Variants in TMEM200A observed in about 807,000 individuals in gnomAD.
The protein encoded by TMEM200A is two transmembrane C.
TMEM200A carries 12 observed loss-of-function variants against 24.3 expected under a neutral mutation model. The ratio of observed to expected loss-of-function variants is 0.49; its 90% CI spans 0.32 to 0.80. The LOEUF is 0.80. TMEM200A is among the 30% of genes least tolerant of loss of function. TMEM200A has a pLI of 0.04. For synonymous variants in TMEM200A, 224 were observed against 224.4 expected (o/e 1.00, Z 0.02); for missense variants, 545 against 614.4 (o/e 0.89, Z 1.19).
rs1050100396 is a variant in TMEM200A, at chr6:130,366,027, G to T, written c.-578G>T. ...TTGGGGCTGGGATCCATCTGGAGCC[G>T]AGCAGAAAACTTTTCCCCTCCCGTT... On this transcript the variant is annotated 5_prime_UTR_variant, in exon 1 of 3. Coordinates refer to ENST00000296978, the MANE Select transcript of TMEM200A (RefSeq NM_001258277.2). This position sits in a 1 kb window ranked among gnomAD's most constrained non-coding sequence, Gnocchi z 4.4. 4 of 985,564 alleles carry T rather than the reference G, an allele frequency of 4.1e-6. No individual in the cohort carries two copies. Among genetic ancestry groups the T allele is most frequent in the Admixed American group, 6.1e-5 (1 of 16,294 alleles). 61.1% of individuals were successfully genotyped at this position (985,564 alleles called of 1,614,324 possible).
intron 2 of TMEM200A, among the ~76,000 whole-genome samples, chr6:130,421,532 G>A (rs577654608): frequency 6.6e-6 from 1 of 152,084 alleles, no homozygotes; most frequent in South Asian, 2.1e-4. Context: ...GTGTGTGTGT[G>A]TGTGCATGCG....
At chr6:130,389,442 G>C (rs1778786194) in intron 2 of TMEM200A, among the ~76,000 whole-genome samples, 1 of 151,026 alleles carries the variant, frequency 6.6e-6, no homozygotes, top group African/African-American at 2.5e-5. Flanking sequence ...AACAATGTGA[G>C]AGAAAGAAGA....
chr6:130,403,361 C>T (rs1415619175), intron 2 of TMEM200A, among the ~76,000 whole-genome samples: 1 of 152,066 alleles, frequency 6.6e-6, no homozygotes, highest in Non-Finnish European at 1.5e-5. Context: ...ATTTTAGATA[C>T]TGTAATAATG....
At chr6:130,371,275 C>G (rs1226124303) in intron 1 of TMEM200A, among the ~76,000 whole-genome samples, 2 of 152,094 alleles carry the variant, frequency 1.3e-5, no homozygotes, top group Non-Finnish European at 2.9e-5. Flanking sequence ...ATAGAACTGA[C>G]ATTTACCAAG....
chr6:130,416,695 A>C (rs1779464315), intron 2 of TMEM200A, among the ~76,000 whole-genome samples: 1 of 151,984 alleles, frequency 6.6e-6, no homozygotes, highest in Non-Finnish European at 1.5e-5. Flanking sequence ...TCCTACATCT[A>C]TTTTTTGCCC....
At chr6:130,374,051 A>G (rs1421998549) in intron 1 of TMEM200A, among the ~76,000 whole-genome samples, 1 of 152,230 alleles carries the variant, frequency 6.6e-6, no homozygotes, top group Non-Finnish European at 1.5e-5. Flanking sequence ...ACATGCAGAT[A>G]GGGGCCCATG....
At chr6:130,423,078 T>A (rs1779641346) in intron 2 of TMEM200A, among the ~76,000 whole-genome samples, 1 of 152,236 alleles carries the variant, frequency 6.6e-6, no homozygotes, top group Non-Finnish European at 1.5e-5. Flanking sequence ...AGGCTGTATT[T>A]TAAGTGGCCT....
At chr6:130,433,916 T>G (rs1779939562) in intron 2 of TMEM200A, among the ~76,000 whole-genome samples, 1 of 152,210 alleles carries the variant, frequency 6.6e-6, no homozygotes. Flanking sequence ...CATACCCTCA[T>G]TTATGTGCCA....
intron 2 of TMEM200A, among the ~76,000 whole-genome samples, chr6:130,408,991 A>G (rs937199943): frequency 9.2e-5 from 14 of 152,116 alleles, no homozygotes; most frequent in Non-Finnish European, 5.9e-5. Flanking sequence ...ATGGTGAGAT[A>G]TGAACGCCAG....
At chr6:130,410,265 C>T (rs1468657684) in intron 2 of TMEM200A, among the ~76,000 whole-genome samples, 2 of 152,120 alleles carry the variant, frequency 1.3e-5, no homozygotes, top group African/African-American at 2.4e-5. Context: ...CACTGCTTTG[C>T]TCTCATCTTA....
intron 2 of TMEM200A, among the ~76,000 whole-genome samples, chr6:130,389,494 G>C (rs999319694): frequency 1.3e-5 from 2 of 152,038 alleles, no homozygotes; most frequent in Non-Finnish European, 2.9e-5. Context: ...TGTATTCTAG[G>C]ACCCTCTACC....
intron 2 of TMEM200A, among the ~76,000 whole-genome samples, chr6:130,413,599 A>G (rs1475319556): frequency 6.6e-6 from 1 of 151,996 alleles, no homozygotes; most frequent in African/African-American, 2.4e-5. Flanking sequence ...TCCTTTCAGC[A>G]TCTCCTATCA....
At chr6:130,416,102 A>T (rs1206228888) in intron 2 of TMEM200A, among the ~76,000 whole-genome samples, 1 of 152,144 alleles carries the variant, frequency 6.6e-6, no homozygotes, top group Non-Finnish European at 1.5e-5. Context: ...CAATTACTTT[A>T]TACTAAATGC....
intron 2 of TMEM200A, among the ~76,000 whole-genome samples, chr6:130,418,385 C>CT (rs1779507319): frequency 6.6e-6 from 1 of 152,032 alleles, no homozygotes; most frequent in African/African-American, 2.4e-5. Flanking sequence ...AAAATTATTG[C>CT]TTTTTTCTAG....
rs367644150 is a variant in TMEM200A, at chr6:130,442,808, A to G, written c.*910A>G. ...CAATAGCACCTCATTCCCACATTCT[A>G]TTTTCCCCCGGTATTCTTTAGATCC... On this transcript the variant is annotated 3_prime_UTR_variant, in exon 3 of 3. Coordinates refer to ENST00000296978, the MANE Select transcript of TMEM200A (RefSeq NM_001258277.2). 6 of 166,744 alleles carry G rather than the reference A, an allele frequency of 3.6e-5. No individual in the cohort carries two copies. Among genetic ancestry groups the G allele is most frequent in the African/African-American group, 1.5e-4 (6 of 41,344 alleles). 10.3% of individuals were successfully genotyped at this position (166,744 alleles called of 1,614,324 possible).
rs780841705 is a variant in TMEM200A at position 130,441,268 on chromosome 6, A to T, written c.846A>T (p.Ser282=). 2.5e-6 allele frequency: 4 copies of T among 1,614,026 alleles called. No individual in the cohort carries two copies. The highest frequency in any genetic ancestry group is 1.7e-5 in the Admixed American group (1 of 60,004). ...SKKCETKSIV[S]SSISAFTLPV... Reference sequence around the variant, plus strand: ...AATGTGAAACCAAGTCAATTGTGTCATCGTCCATCAGTGCTTTTACATTGC... The same window carrying T: ...AATGTGAAACCAAGTCAATTGTGTCTTCGTCCATCAGTGCTTTTACATTGC... Residue 282 remains serine, a synonymous_variant, in exon 3 of 3, where the codon TCA becomes TCT. Transcript: ENST00000296978.
chr6:130,413,123 C>G (rs927857554), intron 2 of TMEM200A, among the ~76,000 whole-genome samples: 5 of 152,146 alleles, frequency 3.3e-5, no homozygotes, highest in Non-Finnish European at 5.9e-5. Flanking sequence ...TATCTGTGGT[C>G]TTTTAAACAG....
chr6:130,383,930 C>G (rs1778657436), intron 1 of TMEM200A, among the ~76,000 whole-genome samples: 1 of 152,056 alleles, frequency 6.6e-6, no homozygotes, highest in South Asian at 2.1e-4. Context: ...ACCAGCCTGG[C>G]CAACATGGTG....
intron 2 of TMEM200A, among the ~76,000 whole-genome samples, chr6:130,397,228 C>T (rs539448755): frequency 4.5e-4 from 69 of 152,186 alleles, no homozygotes; most frequent in Middle Eastern, 6.8e-3. Flanking sequence ...TATCTCCTTA[C>T]ACATGTAAGA....
Sources: allele counts gnomAD v4.1 joint callset (sites outside exome capture counted in the v4.1 genomes callset), GRCh38; gene constraint gnomAD v4.1.1; non-coding constraint Gnocchi (gnomAD v3.1); transcripts MANE v1.5; gene names NCBI Gene and HGNC (gene_info 2026-07-23, HGNC 2026-07-21).